ABCA12: variants seen among roughly 807,000 people sequenced by gnomAD.
ABCA12 encodes the protein ATP binding cassette subfamily A member 12, also known as glucosylceramide transporter ABCA12.
In ABCA12, 156 loss-of-function variants were observed where a neutral mutation model predicts 293.5. That is an observed-to-expected ratio of 0.53 (90% CI 0.47 to 0.61). The LOEUF (loss-of-function observed/expected upper bound fraction) is 0.61. ABCA12 is among the 20% of genes least tolerant of loss of function. The probability of loss-of-function intolerance (pLI) is 0.00; values close to 1 mark genes in which losing one functional copy is unlikely to be tolerated. For synonymous variants in ABCA12, 1,063 were observed against 1,108.0 expected (o/e 0.96, Z 0.81); for missense variants, 2,797 against 3,090.2 (o/e 0.91, Z 2.25).
At chr2:215,126,128 C>A (rs937569891) in intron 1 of ABCA12, among the ~76,000 whole-genome samples, 1 of 152,182 alleles carries the variant, frequency 6.6e-6, no homozygotes, top group Non-Finnish European at 1.5e-5. Context: ...ACCATCCCTG[C>A]ATCCCTGGTA....
At position 215,116,246 on chromosome 2, in the gene ABCA12, T is replaced by C. The variant is rs138410502; in HGVS notation, c.70-4556A>G. On this transcript the variant is annotated intron_variant, in intron 1 of 52. Coordinates refer to ENST00000272895, the MANE Select transcript of ABCA12 (RefSeq NM_173076.3). ...TTGTGTACCTTCTTTGTCCAATTCC[T>C]GAAAACACCTATTTTTCCAAAAAAA... Among the ~76,000 whole-genome samples the C allele has an allele frequency of 3.1e-3, 471 of 152,348 alleles. 5 individuals are homozygous for C. Among genetic ancestry groups the C allele is most frequent in the Non-Finnish European group, 4.0e-3 (270 of 68,024 alleles).
At chr2:215,030,972 G>C (rs1229293196) in intron 9 of ABCA12, among the ~76,000 whole-genome samples, 2 of 152,056 alleles carry the variant, frequency 1.3e-5, no homozygotes, top group Non-Finnish European at 2.9e-5. Flanking sequence ...TAATTTACAG[G>C]CTAAAGCAAT....
chr2:215,059,878 C>T (rs1327597807), intron 3 of ABCA12, among the ~76,000 whole-genome samples: 2 of 152,000 alleles, frequency 1.3e-5, no homozygotes, highest in Non-Finnish European at 2.9e-5. Context: ...TATGCAACTG[C>T]CTCTATTTTT....
At chr2:214,954,216 T>C (rs1698870769) in intron 43 of ABCA12, 109 bp from the exon 44 acceptor site, 2 of 1,191,804 alleles carry the variant, frequency 1.7e-6, no homozygotes, top group Non-Finnish European at 2.4e-6. Context: ...AAAGCTTATC[T>C]AGATTGGCAA....
rs954974886 is a variant in ABCA12, at chr2:214,932,176, T to C, written c.*458A>G. 8.9e-6 allele frequency: 2 copies of C among 223,950 alleles called. No individual in the cohort carries two copies. Among genetic ancestry groups the C allele is most frequent in the Admixed American group, 5.3e-5 (1 of 18,938 alleles). The allele number at this position is 223,950 out of a possible 1,614,324, so 13.9% of individuals were successfully genotyped here. On this transcript the variant is annotated 3_prime_UTR_variant, in exon 53 of 53. Transcript: ENST00000272895. ...CAGTTCACACATCACAGCCGATTCA[T>C]GTATTCATGATGATGTTCATTCTGT...
At chr2:215,017,911 C>A (rs1407538085) in intron 14 of ABCA12, 97 bp downstream of exon 14, 8 of 1,547,650 alleles carry the variant, frequency 5.2e-6, no homozygotes, top group Non-Finnish European at 7.1e-6. Flanking sequence ...GATTAGCATG[C>A]AACTTCTCAG....
rs1699572472 is a variant in ABCA12, at chr2:214,978,466, C to T, written c.4978G>A (p.Val1660Ile). Reference protein sequence around the residue: ...YGISDTTVEEVFLNLTKESQK... With the variant: ...YGISDTTVEEIFLNLTKESQK... ...GACTCTTTGGTCAAGTTCAGAAAGA[C>T]CTAGAAAGAGAAGCCAGATCACTTC... The change falls in exon 33 of 53, where the codon GTC (valine) becomes ATC (isoleucine). Residue 1660 changes from valine (V) to isoleucine (I), a missense_variant and splice_region_variant. Coordinates refer to ENST00000272895, the MANE Select transcript of ABCA12 (RefSeq NM_173076.3). 1.2e-6 allele frequency: 2 copies of T among 1,613,130 alleles called. No individual in the cohort carries two copies. The highest frequency in any genetic ancestry group is 1.7e-6 in the Non-Finnish European group (2 of 1,179,572).
intron 2 of ABCA12, among the ~76,000 whole-genome samples, chr2:215,077,833 C>T (rs1395511403): frequency 1.3e-5 from 2 of 152,086 alleles, no homozygotes; most frequent in Admixed American, 6.6e-5. Context: ...TTTTGGAATC[C>T]GAGATCGGAC....
chr2:215,000,842 G>C lies in ABCA12; in HGVS notation c.3042C>G (p.Asn1014Lys). Residue 1014 changes from asparagine to lysine, a missense_variant, in exon 22 of 53, where the codon AAC (asparagine) becomes AAG (lysine). This residue lies in a region of ABCA12 where 2,130 missense variants were observed against 2,427.0 expected (regional missense o/e 0.88). Transcript: ENST00000272895. ...APGPHNSPSHNQIYGRAFIYL... is the reference protein window; with the variant it reads ...APGPHNSPSHKQIYGRAFIYL... The stretch of plus-strand genomic sequence containing the variant: ...AAATAAAAGCCCTGCCATAGATCTG[G>C]TTGTGTGATGGAGAATTGTGTGGCC... The C allele has an allele frequency of 6.2e-7, 1 of 1,614,106 alleles. No homozygotes were observed. The highest frequency in any genetic ancestry group is 8.5e-7 in the Non-Finnish European group (1 of 1,180,004).
Position 215,054,613 on chromosome 2 carries a change from G to A in ABCA12, c.369C>T (p.Phe123=), listed in dbSNP as rs761335269. Residue 123 remains phenylalanine, a synonymous_variant, in exon 4 of 53, where the codon TTC becomes TTT. Transcript: ENST00000272895. ...SNLDKDSSLS[F]QSTQVPERRH... ...TTCTTTCTGGAACTTGGGTGCTCTGGAATGATAAACTGCTGTCCTTATCCA... is the reference window on the plus strand; with the variant it reads ...TTCTTTCTGGAACTTGGGTGCTCTGAAATGATAAACTGCTGTCCTTATCCA... 2 of 1,612,030 alleles carry A rather than the reference G, an allele frequency of 1.2e-6. No individual in the cohort carries two copies. The highest frequency in any genetic ancestry group is 2.7e-5 in the African/African-American group (2 of 74,776).
At chr2:214,997,575 TTC>T in intron 23 of ABCA12, 118 bp downstream of exon 23, 1 of 716,496 alleles carries the variant, frequency 1.4e-6, no homozygotes, top group Non-Finnish European at 2.3e-6. Context: ...AGGTTTTTCT[TTC>T]TGTTTAATTC....
intron 4 of ABCA12, 84 bp downstream of exon 4, chr2:215,054,489 A>G: frequency 8.5e-7 from 1 of 1,180,754 alleles, no homozygotes; most frequent in Non-Finnish European, 1.3e-6. Flanking sequence ...TTGTTTGAAA[A>G]GTTTAAAGTA....
chr2:214,981,957 A>ATTTTTTTTTTTT (rs1699670492), intron 30 of ABCA12, among the ~76,000 whole-genome samples: 1 of 123,956 alleles, frequency 8.1e-6, no homozygotes, highest in African/African-American at 3.2e-5. Flanking sequence ...TATTATTATT[A>ATTTTTTTTTTTT]TTATTATTAT....
intron 41 of ABCA12, 51 bp from the exon 42 acceptor site, chr2:214,956,829 A>C (rs1559113683): frequency 7.5e-7 from 1 of 1,331,116 alleles, no homozygotes; most frequent in South Asian, 1.2e-5. Context: ...ATTTTTCAAA[A>C]AAAAAAAAAT....
At chr2:215,007,994 A>G (rs1303902367) in intron 18 of ABCA12, 148 bp from the exon 19 acceptor site, 2 of 1,035,382 alleles carry the variant, frequency 1.9e-6, no homozygotes, top group African/African-American at 1.6e-5. Flanking sequence ...AATTTCCCAC[A>G]TGGTCAAAAG....
At chr2:215,020,116 T>C (rs1431548902) in intron 11 of ABCA12, among the ~76,000 whole-genome samples, 2 of 152,184 alleles carry the variant, frequency 1.3e-5, no homozygotes, top group African/African-American at 4.8e-5. Context: ...TTTTGATTTA[T>C]ATTTTAAATC....
At chr2:214,968,267 G>A (rs915356682) in intron 38 of ABCA12, among the ~76,000 whole-genome samples, 9 of 151,864 alleles carry the variant, frequency 5.9e-5, no homozygotes, top group East Asian at 1.9e-4. Flanking sequence ...CTAAACAAAC[G>A]GTTGAGTTTT....
intron 18 of ABCA12, among the ~76,000 whole-genome samples, chr2:215,008,729 A>G (rs905187542): frequency 6.6e-6 from 1 of 152,162 alleles, no homozygotes; most frequent in African/African-American, 2.4e-5. Flanking sequence ...ATTAGTTTAT[A>G]TGAAAGGAAG....
At chr2:215,063,858 A>G (rs1701585312) in intron 3 of ABCA12, among the ~76,000 whole-genome samples, 2 of 152,002 alleles carry the variant, frequency 1.3e-5, no homozygotes, top group South Asian at 4.1e-4. Flanking sequence ...CAAATTTGAG[A>G]CATTCACCCA....
Sources: allele counts gnomAD v4.1 joint callset (sites outside exome capture counted in the v4.1 genomes callset), GRCh38; gene constraint gnomAD v4.1.1; regional missense constraint gnomAD v4.1.1; transcripts MANE v1.5; gene names NCBI Gene and HGNC (gene_info 2026-07-23, HGNC 2026-07-21).